The following NCAM1 variants were observed in gnomAD, a reference collection of about 807,000 sequenced individuals.
NCAM1 encodes the protein antigen recognized by monoclonal antibody 5.1H11.
NCAM1 carries 14 observed loss-of-function variants against 109.8 expected under a neutral mutation model. The observed-to-expected ratio is 0.13, with a 90% CI of 0.08 to 0.20. The LOEUF is 0.20. Among genes scored for constraint, NCAM1 ranks in the 10% least tolerant of loss-of-function variants. The pLI is 1.00. For missense variants in NCAM1, 774 were observed against 1,109.9 expected, an observed-to-expected ratio of 0.70 and a Z score of 4.30; for synonymous variants, 418 against 442.9, an observed-to-expected ratio of 0.94 and a Z score of 0.70.
intron 1 of NCAM1, among the ~76,000 whole-genome samples, chr11:113,042,627 A>T (rs138217325): frequency 6.6e-6 from 1 of 152,050 alleles, no homozygotes; most frequent in Admixed American, 6.5e-5. Context: ...AGTGCTTTGC[A>T]TGGAATATAC....
chr11:113,050,936 A>G (rs1031054787), intron 1 of NCAM1, among the ~76,000 whole-genome samples: 1 of 152,246 alleles, frequency 6.6e-6, no homozygotes, highest in African/African-American at 2.4e-5. Flanking sequence ...TCTTATACGC[A>G]TGCTGTAGTT....
chr11:112,983,219 A>C (rs1213028622), intron 1 of NCAM1, among the ~76,000 whole-genome samples: 1 of 151,930 alleles, frequency 6.6e-6, no homozygotes, highest in Non-Finnish European at 1.5e-5. Context: ...AGTCCATACC[A>C]ATTTCTTGTT....
intron 1 of NCAM1, among the ~76,000 whole-genome samples, chr11:112,984,376 G>A (rs1194677332): frequency 6.6e-6 from 1 of 151,904 alleles, no homozygotes; most frequent in African/African-American, 2.4e-5. Flanking sequence ...TCTTCATGAG[G>A]TGGTGATTTC....
intron 1 of NCAM1, among the ~76,000 whole-genome samples, chr11:113,020,963 G>T (rs1288884617): frequency 2.0e-5 from 3 of 152,054 alleles, no homozygotes; most frequent in African/African-American, 7.2e-5. Context: ...CGCCATGTTG[G>T]CCAGGCTGGT....
intron 1 of NCAM1, among the ~76,000 whole-genome samples, chr11:113,159,286 C>T (rs1197085053): frequency 6.6e-6 from 1 of 152,074 alleles, no homozygotes; most frequent in East Asian, 1.9e-4. Context: ...TTCTGTGTTT[C>T]ATATATTTAA....
intron 1 of NCAM1, among the ~76,000 whole-genome samples, chr11:113,115,469 C>T (rs1369819): frequency 0.56 from 85,470 of 151,508 alleles, 24,439 homozygotes; most frequent in African/African-American, 0.61. Context: ...TGAGCATCCA[C>T]ATGAAATAGC....
intron 17 of NCAM1, chr11:113,264,715 T>G: frequency 1.0e-6 from 1 of 985,302 alleles, no homozygotes; most frequent in Non-Finnish European, 1.2e-6. Context: ...GATCTCGTCC[T>G]AAGTGTGGAG....
intron 1 of NCAM1, among the ~76,000 whole-genome samples, chr11:113,173,848 G>C (rs892725777): frequency 6.6e-6 from 1 of 151,868 alleles, no homozygotes; most frequent in South Asian, 2.1e-4. Flanking sequence ...GGTGGCCTCG[G>C]GCAGCAGGTT....
chr11:113,161,999 T>C (rs1292430087), intron 1 of NCAM1, among the ~76,000 whole-genome samples: 3 of 152,228 alleles, frequency 2.0e-5, no homozygotes, highest in African/African-American at 7.2e-5. Flanking sequence ...GGTGAACTGC[T>C]GTTCGAGATA....
At chr11:113,072,153 T>G (rs1392453257) in intron 1 of NCAM1, among the ~76,000 whole-genome samples, 1 of 152,076 alleles carries the variant, frequency 6.6e-6, no homozygotes, top group Non-Finnish European at 1.5e-5. Flanking sequence ...TCAAAAAAAA[T>G]TATTGATAAT....
chr11:113,102,333 A>G (rs148138816), intron 1 of NCAM1, among the ~76,000 whole-genome samples: 37 of 152,352 alleles, frequency 2.4e-4, no homozygotes, highest in Non-Finnish European at 5.1e-4. Context: ...ATGCACATGT[A>G]CTAGAAGCAT....
At chr11:113,150,156 C>T (rs147912639) in intron 1 of NCAM1, among the ~76,000 whole-genome samples, 113 of 151,886 alleles carry the variant, frequency 7.4e-4, no homozygotes, top group Admixed American at 1.6e-3. Flanking sequence ...AAGTCAATTG[C>T]GAAAAATAAA....
chr11:113,109,900 G>A (rs906174041), intron 1 of NCAM1, among the ~76,000 whole-genome samples: 5 of 152,064 alleles, frequency 3.3e-5, no homozygotes, highest in Admixed American at 6.6e-5. Flanking sequence ...TGGCCCCTGA[G>A]ATTTCTCAGT....
chr11:113,124,253 C>T (rs76901230), intron 1 of NCAM1, among the ~76,000 whole-genome samples: 7,568 of 152,136 alleles, frequency 0.05, 601 homozygotes, highest in Admixed American at 0.16. Context: ...AGTGTGGTGT[C>T]GCAGGACTAT....
At chr11:113,200,049 T>A (rs1236489285) in intron 1 of NCAM1, among the ~76,000 whole-genome samples, 1 of 152,166 alleles carries the variant, frequency 6.6e-6, no homozygotes, top group Non-Finnish European at 1.5e-5. Flanking sequence ...AAGGCTGTTT[T>A]TTCACTTGGG....
chr11:113,214,065 C>A (rs1486093425), intron 7 of NCAM1, among the ~76,000 whole-genome samples: 1 of 152,218 alleles, frequency 6.6e-6, no homozygotes, highest in Non-Finnish European at 1.5e-5. Flanking sequence ...ATGGTCCAGC[C>A]CCAAAGCCGT....
intron 1 of NCAM1, among the ~76,000 whole-genome samples, chr11:113,000,223 G>T (rs1951709194): frequency 2.0e-5 from 3 of 152,188 alleles, no homozygotes. Flanking sequence ...CTAGGTGCTG[G>T]AGATAACATG....
chr11:113,055,986 T>G (rs1193067363), intron 1 of NCAM1, among the ~76,000 whole-genome samples: 13 of 47,374 alleles, frequency 2.7e-4, no homozygotes, highest in African/African-American at 1.1e-3. Flanking sequence ...GTGATATATA[T>G]ATATATATAT....
chr11:113,149,218 G>T (rs1942132998), intron 1 of NCAM1, among the ~76,000 whole-genome samples: 1 of 152,132 alleles, frequency 6.6e-6, no homozygotes, highest in Admixed American at 6.5e-5. Flanking sequence ...CCAAGACAAG[G>T]GTGCACATTC....
Sources: allele counts gnomAD v4.1 joint callset (sites outside exome capture counted in the v4.1 genomes callset), GRCh38; gene constraint gnomAD v4.1.1; transcripts MANE v1.5; gene names NCBI Gene and HGNC (gene_info 2026-07-23, HGNC 2026-07-21).